Variants in RNGTT observed in about 807,000 individuals in gnomAD.
RNGTT encodes the protein RNA guanylyltransferase and 5'-phosphatase, also known as mRNA-capping enzyme.
RNGTT carries 33 observed loss-of-function variants against 79.3 expected under a neutral mutation model. The ratio of observed to expected loss-of-function variants is 0.42; its 90% confidence interval spans 0.32 to 0.56. RNGTT has a LOEUF of 0.56. Among genes scored for constraint, RNGTT ranks in the 20% least tolerant of loss-of-function variants. The pLI is 0.17. For missense variants in RNGTT, 497 were observed against 739.1 expected (o/e 0.67, Z 3.80); for synonymous variants, 222 against 235.9 (o/e 0.94, Z 0.54).
chr6:88,887,207 T>C (rs149578995), intron 8 of RNGTT, among the ~76,000 whole-genome samples: 96 of 152,290 alleles, frequency 6.3e-4, no homozygotes, highest in Middle Eastern at 3.4e-3. Context: ...GGTTTAAATA[T>C]TGTTACGAGA....
At chr6:88,824,240 T>TAC (rs769834712) in intron 11 of RNGTT, among the ~76,000 whole-genome samples, 11 of 152,216 alleles carry the variant, frequency 7.2e-5, no homozygotes, top group Non-Finnish European at 1.2e-4. Context: ...CAGCCAACTA[T>TAC]ACACTAGGCT....
intron 13 of RNGTT, among the ~76,000 whole-genome samples, chr6:88,726,169 C>T (rs1241603004): frequency 6.6e-6 from 1 of 152,082 alleles, no homozygotes. Flanking sequence ...CCAATACCAC[C>T]TTGTTGTCAG....
chr6:88,747,975 G>A lies in RNGTT; in HGVS notation c.1439+21799C>T, dbSNP rs555794716. ...CACAAGGAAGAGAATTCTGGAAAAC[G>A]CAATTTTAGTTTAACTAAACTAACA... On this transcript the variant is annotated intron_variant, in intron 13 of 15. Transcript: ENST00000369485. Among the ~76,000 whole-genome samples the A allele has an allele frequency of 5.3e-5, 8 of 152,182 alleles. No individual in the cohort carries two copies. The East Asian group carries it at 5.8e-4, about 11-fold the overall frequency.
intron 13 of RNGTT, among the ~76,000 whole-genome samples, chr6:88,732,645 T>C (rs1048443743): frequency 2.0e-5 from 3 of 152,226 alleles, no homozygotes; most frequent in Admixed American, 6.5e-5. Context: ...ATGTGGTATA[T>C]AGATATAATT....
At chr6:88,883,792 T>G (rs1312652647) in intron 8 of RNGTT, among the ~76,000 whole-genome samples, 1 of 152,122 alleles carries the variant, frequency 6.6e-6, no homozygotes, top group African/African-American at 2.4e-5. Flanking sequence ...TAAACTTGAC[T>G]TCATAAAAAT....
At chr6:88,915,926 A>G (rs1019987302) in intron 4 of RNGTT, among the ~76,000 whole-genome samples, 3 of 152,208 alleles carry the variant, frequency 2.0e-5, no homozygotes, top group African/African-American at 7.2e-5. Flanking sequence ...TTACAGTTCA[A>G]TAAGATAACA....
chr6:88,933,512 A>C (rs1784572564), intron 2 of RNGTT, among the ~76,000 whole-genome samples: 1 of 151,530 alleles, frequency 6.6e-6, no homozygotes, highest in South Asian at 2.1e-4. Flanking sequence ...ATAGAGTCTC[A>C]CTCTGTTGCC....
intron 7 of RNGTT, among the ~76,000 whole-genome samples, chr6:88,891,373 A>T (rs184351897): frequency 6.6e-6 from 1 of 152,274 alleles, no homozygotes; most frequent in African/African-American, 2.4e-5. Context: ...TGCTCTCCTG[A>T]ATCCACTACG....
intron 14 of RNGTT, among the ~76,000 whole-genome samples, chr6:88,659,809 G>C (rs942915993): frequency 1.3e-5 from 2 of 152,086 alleles, no homozygotes; most frequent in African/African-American, 4.8e-5. Context: ...AGAACACCCG[G>C]GAAGTTCATC....
rs146947754 is a variant in RNGTT at position 88,745,525 on chromosome 6, T to C, written c.1439+24249A>G. On this transcript the variant is annotated intron_variant, in intron 13 of 15. Coordinates refer to ENST00000369485, the MANE Select transcript of RNGTT (RefSeq NM_003800.5). ...TGTTGAAATGACAACATTTTAGATA[T>C]ATTGAGTTAAATAAAATATGTTATT... 3.5e-3 allele frequency among the ~76,000 whole-genome samples: 530 copies of C among 152,310 alleles called. 4 individuals carry two copies. Among genetic ancestry groups the C allele is most frequent in the African/African-American group, 0.012 (498 of 41,572 alleles).
chr6:88,649,252 T>C (rs1036142860), intron 14 of RNGTT, among the ~76,000 whole-genome samples: 1 of 152,212 alleles, frequency 6.6e-6, no homozygotes, highest in East Asian at 1.9e-4. Context: ...AAAGAGGGAC[T>C]GTAAACACAT....
At chr6:88,727,576 T>C (rs888213040) in intron 13 of RNGTT, among the ~76,000 whole-genome samples, 5 of 152,230 alleles carry the variant, frequency 3.3e-5, no homozygotes, top group Non-Finnish European at 7.3e-5. Context: ...TAAATAGGTC[T>C]ACAAGGTTTT....
chr6:88,848,283 T>C (rs1781553285), intron 10 of RNGTT, among the ~76,000 whole-genome samples: 1 of 152,080 alleles, frequency 6.6e-6, no homozygotes, highest in Non-Finnish European at 1.5e-5. Flanking sequence ...AAGCTGCTGA[T>C]TTAATCACCA....
chr6:88,725,985 TAA>T (rs1468261451), intron 13 of RNGTT, among the ~76,000 whole-genome samples: 1 of 146,472 alleles, frequency 6.8e-6, no homozygotes, highest in Non-Finnish European at 1.5e-5. Context: ...GGCGGAGAGA[TAA>T]AGAGAAAGAC....
intron 4 of RNGTT, among the ~76,000 whole-genome samples, chr6:88,915,781 A>T (rs6907468): frequency 0.034 from 5,195 of 152,294 alleles, 313 homozygotes; most frequent in African/African-American, 0.12. Context: ...AATTTAAATT[A>T]AAAAAGCAAA....
chr6:88,627,915 G>A (rs957497856), intron 14 of RNGTT, among the ~76,000 whole-genome samples: 1 of 152,118 alleles, frequency 6.6e-6, no homozygotes, highest in Admixed American at 6.6e-5. Context: ...CTGACCAACT[G>A]TAACTTGCAG....
In RNGTT at chr6:88,839,260, C is replaced by T. The variant is rs759068674; in HGVS notation, c.1269+5097G>A. Among the ~76,000 whole-genome samples the T allele has an allele frequency of 4.6e-5, 7 of 151,772 alleles. No homozygotes were observed. In the South Asian group the frequency reaches 6.2e-4, roughly 14 times the overall value. On this transcript the variant is annotated intron_variant, in intron 11 of 15. Transcript: ENST00000369485. ...GTTTTTTTTAAAGAAAAAAAGAAAA[C>T]GACAGAACAGTGTATTAAAAAATCA... is the stretch of plus-strand genomic sequence containing the variant.
At chr6:88,904,659 A>C in intron 6 of RNGTT, 56 bp downstream of exon 6, 4 of 1,502,356 alleles carry the variant, frequency 2.7e-6, no homozygotes, top group Non-Finnish European at 3.6e-6. Flanking sequence ...TATAAATCTC[A>C]ATAAGCTTGC....
intron 12 of RNGTT, among the ~76,000 whole-genome samples, chr6:88,783,291 A>T (rs942023245): frequency 6.6e-6 from 1 of 152,288 alleles, no homozygotes; most frequent in East Asian, 1.9e-4. Flanking sequence ...AAAATAAGCC[A>T]GAAAGAGAAA....
Sources: gnomAD v4.1 joint callset for allele counts (sites outside exome capture counted in the v4.1 genomes callset) on GRCh38, gnomAD v4.1.1 for gene constraint, MANE v1.5 for transcripts, NCBI Gene and HGNC (gene_info 2026-07-23, HGNC 2026-07-21) for gene names.